RHOU: variants seen among roughly 807,000 people sequenced by gnomAD.
RHOU encodes rho-related GTP-binding protein RhoU.
Under a neutral mutation model 12.6 loss-of-function variants are expected in RHOU, and 8 were observed. The ratio of observed to expected loss-of-function variants is 0.64; its 90% CI spans 0.37 to 1.15. The LOEUF (loss-of-function observed/expected upper bound fraction) is 1.15, where lower values mean the gene tolerates loss of function less well. RHOU is among the 50% of genes most tolerant of loss of function. The probability of loss-of-function intolerance (pLI) is 0.01; values close to 1 mark genes in which losing one functional copy is unlikely to be tolerated. For missense variants in RHOU, 258 were observed against 347.0 expected (o/e 0.74, Z 2.04); for synonymous variants, 161 against 147.4 (o/e 1.09, Z -0.67).
rs758431142 is a variant in RHOU at position 228,735,877 on chromosome 1, C to A, written c.135C>A (p.Ala45=). 1.3e-6 allele frequency: 2 copies of A among 1,513,324 alleles called. No individual in the cohort carries two copies. The highest frequency in any genetic ancestry group is 1.8e-6 in the Non-Finnish European group (2 of 1,137,542). The allele number at this position is 1,513,324 out of a possible 1,614,324, so 93.7% of individuals were successfully genotyped here. A position where few individuals can be genotyped will look rare whatever the true frequency, so the allele number is the denominator to read the frequency against. The stretch of plus-strand genomic sequence containing the variant: ...GGGGCCGGGGGCGTGCGGGGGGTGC[C>A]GAGGGGCGCGGCGTCAAGTGCGTGC... ...EPGGRGRAGG[A]EGRGVKCVLV... Residue 45 remains alanine, a synonymous_variant, in exon 1 of 3, where the codon GCC becomes GCA. Transcript: ENST00000366691. This position sits in a 1 kb window ranked among gnomAD's most constrained non-coding sequence, Gnocchi z 8.1.
At chr1:228,732,775 G>C (rs887028369), upstream of RHOU, among the ~76,000 whole-genome samples, 1 of 152,130 alleles carries the variant, frequency 6.6e-6, no homozygotes, top group African/African-American at 2.4e-5. Flanking sequence ...GAGGGGCAAA[G>C]CCAAGTTTTG....
At position 228,737,672 on chromosome 1, in the gene RHOU, G is replaced by T; in HGVS notation, c.263-1G>T. 1 of 1,614,154 alleles carries T rather than the reference G, an allele frequency of 6.2e-7. No individual in the cohort carries two copies. Among genetic ancestry groups the T allele is most frequent in the Non-Finnish European group, 8.5e-7 (1 of 1,180,012 alleles). On this transcript the variant is annotated splice_acceptor_variant, in intron 1 of 2. Transcript: ENST00000366691. LOFTEE classifies it high-confidence loss of function. The surrounding 1 kb of genome is among the most constrained non-coding windows in gnomAD (Gnocchi z 4.1). ...ATTGTCATTTTGGTTTTGTTTTTAA[G>T]CGGTGGTGTCTGTGGATGGGCGGCC...
the RHOU span, among the ~76,000 whole-genome samples, chr1:228,647,098 A>C: frequency 6.6e-6 from 1 of 152,208 alleles, no homozygotes; most frequent in Non-Finnish European, 1.5e-5. Context: ...CTACTTCGGT[A>C]GGCAGCCCCC....
intron 2 of RHOU, among the ~76,000 whole-genome samples, chr1:228,740,476 G>GT (rs58354185): frequency 0.38 from 57,000 of 151,814 alleles, 11,878 homozygotes; most frequent in African/African-American, 0.58. Flanking sequence ...TAAGTCAGTT[G>GT]TTCTGTTTTT....
At chr1:228,726,980 T>G in the RHOU span, among the ~76,000 whole-genome samples, 7 of 152,184 alleles carry the variant, frequency 4.6e-5, no homozygotes, top group African/African-American at 1.7e-4. Context: ...TCTTCTGACT[T>G]TCTGTTGCAC....
At chr1:228,677,584 A>G in the RHOU span, among the ~76,000 whole-genome samples, 3 of 152,184 alleles carry the variant, frequency 2.0e-5, no homozygotes, top group African/African-American at 7.2e-5. Context: ...TGTTTGTTAA[A>G]GAAGGATTAG....
chr1:228,715,915 C>CTT, the RHOU span, among the ~76,000 whole-genome samples: 15 of 133,898 alleles, frequency 1.1e-4, no homozygotes, highest in Non-Finnish European at 1.8e-4. Context: ...AAAGTATGAA[C>CTT]TTTTTTTTTT....
chr1:228,707,255 AGTGTGT>A, the RHOU span, among the ~76,000 whole-genome samples: 663 of 40,600 alleles, frequency 0.016, 10 homozygotes, highest in African/African-American at 0.04. Flanking sequence ...ATATATATAT[AGTGTGT>A]GTGTGTGTGT....
chr1:228,667,624 T>C, the RHOU span, among the ~76,000 whole-genome samples: 18 of 152,226 alleles, frequency 1.2e-4, no homozygotes, highest in African/African-American at 4.1e-4. Context: ...CATGTTGGAC[T>C]TGATTCTGGG....
the RHOU span, among the ~76,000 whole-genome samples, chr1:228,726,664 C>CA: frequency 0.12 from 12,205 of 102,012 alleles, 648 homozygotes; most frequent in Middle Eastern, 0.2. Context: ...GACTCCATCT[C>CA]AAAAAAAAAA....
the RHOU span, among the ~76,000 whole-genome samples, chr1:228,657,573 A>G: frequency 6.6e-6 from 1 of 152,252 alleles, no homozygotes; most frequent in Admixed American, 6.5e-5. Flanking sequence ...ACAGTTCTAC[A>G]AAAGACAAAT....
chr1:228,706,978 T>C, the RHOU span, among the ~76,000 whole-genome samples: 2 of 150,978 alleles, frequency 1.3e-5, no homozygotes, highest in African/African-American at 4.9e-5. Context: ...CAGTATGCTG[T>C]TGAACGTGGT....
the RHOU span, among the ~76,000 whole-genome samples, chr1:228,710,976 A>C: frequency 2.6e-5 from 4 of 151,894 alleles, no homozygotes; most frequent in Admixed American, 2.6e-4. Flanking sequence ...CAGGATACAA[A>C]ATCAATGTAC....
chr1:228,673,455 T>C, the RHOU span, among the ~76,000 whole-genome samples: 68 of 152,290 alleles, frequency 4.5e-4, no homozygotes, highest in Admixed American at 3.3e-4. Context: ...TGGTTTGAAT[T>C]GGTGTCCCTG....
At position 228,735,639 on chromosome 1, in the gene RHOU, G is replaced by A; in HGVS notation, c.-104G>A. On this transcript the variant is annotated 5_prime_UTR_variant, in exon 1 of 3. Transcript: ENST00000366691. This position sits in a 1 kb window ranked among gnomAD's most constrained non-coding sequence, Gnocchi z 8.1. ...ACTCTCCAGGGCCGGGGACGCGCCC[G>A]CAGCTGTCGGTGACAGCTCCTCCCT... The A allele has an allele frequency of 3.2e-6, 3 of 928,746 alleles. No homozygotes were observed. The highest frequency in any genetic ancestry group is 4.1e-6 in the Non-Finnish European group (3 of 735,914). The allele number at this position is 928,746 out of a possible 1,614,324, so 57.5% of individuals were successfully genotyped here.
the RHOU span, among the ~76,000 whole-genome samples, chr1:228,693,305 A>G: frequency 6.6e-6 from 1 of 152,204 alleles, no homozygotes; most frequent in Non-Finnish European, 1.5e-5. Flanking sequence ...ACGTGCCCTC[A>G]CAATAGGTTT....
the RHOU span, among the ~76,000 whole-genome samples, chr1:228,688,664 T>G: frequency 6.6e-6 from 1 of 152,300 alleles, no homozygotes; most frequent in South Asian, 2.1e-4. Context: ...CATGGCCAGT[T>G]GTAAAGTGCT....
At chr1:228,665,406 T>C in the RHOU span, among the ~76,000 whole-genome samples, 1 of 152,206 alleles carries the variant, frequency 6.6e-6, no homozygotes, top group Non-Finnish European at 1.5e-5. Flanking sequence ...GTGGCAGCAC[T>C]AGGGTGAAGG....
At chr1:228,664,983 C>T in the RHOU span, among the ~76,000 whole-genome samples, 1 of 152,104 alleles carries the variant, frequency 6.6e-6, no homozygotes, top group Non-Finnish European at 1.5e-5. Context: ...ATTTGTGGTG[C>T]CAGGCTGTTA....
Sources: gnomAD v4.1 joint callset for allele counts (sites outside exome capture counted in the v4.1 genomes callset) on GRCh38, gnomAD v4.1.1 for gene constraint, Gnocchi (gnomAD v3.1) non-coding constraint, MANE v1.5 for transcripts, NCBI Gene and HGNC (gene_info 2026-07-23, HGNC 2026-07-21) for gene names.